The following RAB11FIP3 variants were observed in gnomAD, a reference collection of about 807,000 sequenced individuals.
The protein encoded by RAB11FIP3 is rab11 family-interacting protein 3.
Under a neutral mutation model 77.8 loss-of-function variants are expected in RAB11FIP3, and 17 were observed. The ratio of observed to expected loss-of-function variants is 0.22; its 90% CI spans 0.15 to 0.33. The LOEUF (loss-of-function observed/expected upper bound fraction) is 0.33. Among genes scored for constraint, RAB11FIP3 ranks in the 10% least tolerant of loss-of-function variants. The probability of loss-of-function intolerance (pLI) is 1.00; values close to 1 mark genes in which losing one functional copy is unlikely to be tolerated. For synonymous variants in RAB11FIP3, 437 were observed against 448.2 expected, an observed-to-expected ratio of 0.98 and a Z score of 0.31; for missense variants, 1,005 against 1,011.2, an observed-to-expected ratio of 0.99 and a Z score of 0.08.
In RAB11FIP3 at chr16:519,040, C is replaced by A. The variant is rs570477561; in HGVS notation, c.1722+16C>A. 1 of 1,612,174 alleles carries A rather than the reference C, an allele frequency of 6.2e-7. No homozygotes were observed. Among genetic ancestry groups the A allele is most frequent in the Admixed American group, 1.7e-5 (1 of 60,032 alleles). On this transcript the variant is annotated intron_variant, in intron 10 of 13. Coordinates refer to ENST00000262305, the MANE Select transcript of RAB11FIP3 (RefSeq NM_014700.4). Reference sequence around the variant, plus strand: ...TCTGGAGGAGGTGAGCTGCCAACAGCCTGGAGCTGTGGCCAGTGGGGCCAG... The same window carrying A: ...TCTGGAGGAGGTGAGCTGCCAACAGACTGGAGCTGTGGCCAGTGGGGCCAG...
At chr16:431,946 A>G (rs1831287077) in intron 1 of RAB11FIP3, among the ~76,000 whole-genome samples, 1 of 151,722 alleles carries the variant, frequency 6.6e-6, no homozygotes, top group Admixed American at 6.6e-5. Context: ...TTTATTAGAG[A>G]TGAGGTTTCA....
At position 492,506 on chromosome 16, in the gene RAB11FIP3, G is replaced by GT. The variant is rs1276668865; in HGVS notation, c.1265+3506_1265+3507insT. Among the ~76,000 whole-genome samples the GT allele has an allele frequency of 1.0e-3, 113 of 109,588 alleles. 5 individuals carry two copies. The highest frequency in any genetic ancestry group is 1.5e-3 in the African/African-American group (52 of 34,312). The allele number at this position is 109,588 out of a possible 152,430, so 71.9% of individuals were successfully genotyped here. A position where few individuals can be genotyped will look rare whatever the true frequency, so the allele number is the denominator to read the frequency against. On this transcript the variant is annotated intron_variant, in intron 5 of 13. Coordinates refer to ENST00000262305, the MANE Select transcript of RAB11FIP3 (RefSeq NM_014700.4). ...GGGCCCTCCCGGGAGACCCGAGGCC[G>GT]CCCAGGGCCCTCCCGGGAGACCCGA...
intron 1 of RAB11FIP3, among the ~76,000 whole-genome samples, chr16:428,617 C>A (rs1276714548): frequency 6.6e-6 from 1 of 152,026 alleles, no homozygotes; most frequent in Admixed American, 6.6e-5. Flanking sequence ...AACTGGAAAC[C>A]CAGAAAGGTC....
Position 482,545 on chromosome 16 carries a change from C to T in RAB11FIP3, c.924C>T (p.Ser308=), listed in dbSNP as rs773809505. ...CCTAGGCCAACGAGGTGACGGACAG[C>T]GCGTACATGGGCTCCGAGAGCACCT... is the stretch of plus-strand genomic sequence containing the variant. ...VTYEANEVTD[S]AYMGSESTYS... Residue 308 remains serine (S), a synonymous_variant, in exon 4 of 14, where the codon AGC becomes AGT. Coordinates refer to ENST00000262305, the MANE Select transcript of RAB11FIP3 (RefSeq NM_014700.4). The T allele has an allele frequency of 6.3e-5, 102 of 1,613,444 alleles. No homozygotes were observed. Among genetic ancestry groups the T allele is most frequent in the Middle Eastern group, 3.3e-4 (2 of 6,084 alleles).
In RAB11FIP3 at chr16:520,194, C is replaced by CGCA; in HGVS notation, c.1943_1945dup (p.Ser648dup). 1 of 1,545,416 alleles carries CGCA rather than the reference C, an allele frequency of 6.5e-7. No individual in the cohort carries two copies. The highest frequency in any genetic ancestry group is 8.7e-7 in the Non-Finnish European group (1 of 1,147,660). The stretch of plus-strand genomic sequence containing the variant: ...GCTGGAGGCCGAGCAGCGGCGGGGC[C>CGCA]GCAGCAGCAGCATGGGCCTGCAGGA... On this transcript the variant is annotated inframe_insertion, in exon 12 of 14. Transcript: ENST00000262305.
At chr16:431,530 A>G (rs768035340) in intron 1 of RAB11FIP3, among the ~76,000 whole-genome samples, 3 of 151,218 alleles carry the variant, frequency 2.0e-5, no homozygotes, top group East Asian at 2.0e-4. Context: ...CAGGCGTGCA[A>G]CGCCTGGCTA....
chr16:473,783 C>T (rs2055851755), intron 3 of RAB11FIP3, among the ~76,000 whole-genome samples: 3 of 152,144 alleles, frequency 2.0e-5, no homozygotes, highest in Admixed American at 2.0e-4. Context: ...AGGGTTCACT[C>T]TTGGTGGTGT....
At chr16:454,267 C>A (rs1012267468) in intron 1 of RAB11FIP3, among the ~76,000 whole-genome samples, 3 of 152,146 alleles carry the variant, frequency 2.0e-5, no homozygotes, top group African/African-American at 7.2e-5. Context: ...TGGTGCAAAG[C>A]TGACTAAATG....
chr16:449,509 G>C (rs1189362669), intron 1 of RAB11FIP3, among the ~76,000 whole-genome samples: 1 of 152,006 alleles, frequency 6.6e-6, no homozygotes, highest in Non-Finnish European at 1.5e-5. Flanking sequence ...AGCTAGGTGT[G>C]GTGGCTCACA....
At chr16:455,650 C>T (rs891293924) in intron 1 of RAB11FIP3, among the ~76,000 whole-genome samples, 1 of 152,050 alleles carries the variant, frequency 6.6e-6, no homozygotes, top group Non-Finnish European at 1.5e-5. Context: ...ACGTGGAATG[C>T]AGTGACGCAA....
At chr16:430,151 T>G (rs1013303021) in intron 1 of RAB11FIP3, among the ~76,000 whole-genome samples, 1 of 152,136 alleles carries the variant, frequency 6.6e-6, no homozygotes, top group African/African-American at 2.4e-5. Flanking sequence ...GAAGTTGGAA[T>G]AGGTGATTTT....
rs558075170 is a variant in RAB11FIP3 at position 521,944 on chromosome 16, C to T, written c.*1105C>T. 6.6e-6 allele frequency: 1 copy of T among 152,196 alleles called. No homozygotes were observed. The highest frequency in any genetic ancestry group is 2.1e-4 in the South Asian group (1 of 4,830). 9.4% of individuals were successfully genotyped at this position (152,196 alleles called of 1,614,324 possible). On this transcript the variant is annotated 3_prime_UTR_variant, in exon 14 of 14. Transcript: ENST00000262305. Reference sequence around the variant, plus strand: ...GCACCCCAGGCACAGCGGTGTCACCCCGCAGGACCGCGGGCCTGCCCCAAC... The same window carrying T: ...GCACCCCAGGCACAGCGGTGTCACCTCGCAGGACCGCGGGCCTGCCCCAAC...
rs376772258 is a variant in RAB11FIP3 at position 515,653 on chromosome 16, A to G, written c.1641-3290A>G. Reference sequence around the variant, plus strand: ...CTCGGAGCAGCCACACGGGCGACACACACCGGTGTTTGCATCTCGGAGCAG... The same window carrying G: ...CTCGGAGCAGCCACACGGGCGACACGCACCGGTGTTTGCATCTCGGAGCAG... On this transcript the variant is annotated intron_variant, in intron 9 of 13. Transcript: ENST00000262305. Among the ~76,000 whole-genome samples, 529 of 87,242 alleles carry G rather than the reference A, an allele frequency of 6.1e-3. 1 individual carries two copies. Among genetic ancestry groups the G allele is most frequent in the African/African-American group, 0.016 (342 of 21,796 alleles). The allele number at this position is 87,242 out of a possible 152,430, so 57.2% of individuals were successfully genotyped here.
chr16:445,999 AGAC>A (rs2055310322), intron 1 of RAB11FIP3, among the ~76,000 whole-genome samples: 1 of 152,060 alleles, frequency 6.6e-6, no homozygotes, highest in East Asian at 1.9e-4. Flanking sequence ...CTAGACACAG[AGAC>A]GAGGGTGCAT....
chr16:485,934 C>T (rs563900991), intron 4 of RAB11FIP3, among the ~76,000 whole-genome samples: 1 of 152,150 alleles, frequency 6.6e-6, no homozygotes, highest in Admixed American at 6.5e-5. Context: ...GACAGTCTTG[C>T]TGTGTCACCC....
chr16:515,169 G>A (rs535523645), intron 9 of RAB11FIP3, among the ~76,000 whole-genome samples: 44 of 152,270 alleles, frequency 2.9e-4, no homozygotes, highest in African/African-American at 7.2e-4. Flanking sequence ...GAAGCTGTGC[G>A]GCTCTTTATT....
intron 1 of RAB11FIP3, among the ~76,000 whole-genome samples, chr16:431,074 ATGTG>A (rs373073848): frequency 6.6e-6 from 1 of 151,956 alleles, no homozygotes; most frequent in African/African-American, 2.4e-5. Context: ...GAGAGTGAGC[ATGTG>A]TGTGTGTGAG....
Position 520,249 on chromosome 16 carries a change from T to TGGAGC in RAB11FIP3, c.1989_1993dup (p.Gln665ArgfsTer8), listed in dbSNP as rs1441695960. Reference sequence around the variant, plus strand: ...CACAGCCGCGCCCGGGAGAGCGAGCTGGAGCAGGAGGTCCGCAGGCTGAAG... The same window carrying TGGAGC: ...CACAGCCGCGCCCGGGAGAGCGAGCTGGAGCGGAGCAGGAGGTCCGCAGGCTGAAG... On this transcript the variant is annotated frameshift_variant, in exon 12 of 14. Coordinates refer to ENST00000262305, the MANE Select transcript of RAB11FIP3 (RefSeq NM_014700.4). LOFTEE classifies it high-confidence loss of function. 1 of 1,547,596 alleles carries TGGAGC rather than the reference T, an allele frequency of 6.5e-7. No homozygotes were observed. The highest frequency in any genetic ancestry group is 1.9e-5 in the Admixed American group (1 of 51,372).
intron 9 of RAB11FIP3, among the ~76,000 whole-genome samples, chr16:518,333 G>A (rs1251973986): frequency 6.6e-6 from 1 of 152,158 alleles, no homozygotes; most frequent in African/African-American, 2.4e-5. Context: ...CTCCCGCATT[G>A]GCCTCCCAAA....
Sources: gnomAD v4.1 joint callset for allele counts (sites outside exome capture counted in the v4.1 genomes callset) on GRCh38, gnomAD v4.1.1 for gene constraint, MANE v1.5 for transcripts, NCBI Gene and HGNC (gene_info 2026-07-23, HGNC 2026-07-21) for gene names.